AFF1: variants seen among roughly 807,000 people sequenced by gnomAD.
The protein encoded by AFF1 is ALF transcription elongation factor 1.
A neutral mutation model predicts 121.7 loss-of-function variants in AFF1; 48 were observed. That is an observed-to-expected ratio of 0.39 (90% CI 0.31 to 0.50). The LOEUF is 0.50. Ranked by LOEUF, AFF1 falls within the 20% of genes least tolerant of loss-of-function variation. The pLI, the probability that AFF1 is intolerant of heterozygous loss-of-function variation, is 0.76. For missense variants in AFF1, 1,523 were observed against 1,511.7 expected (o/e 1.01, Z -0.12); for synonymous variants, 613 against 563.0 (o/e 1.09, Z -1.26).
intron 2 of AFF1, among the ~76,000 whole-genome samples, chr4:87,002,778 G>A (rs969625931): frequency 1.3e-5 from 2 of 152,126 alleles, no homozygotes; most frequent in Non-Finnish European, 2.9e-5. Flanking sequence ...AGCAGGAGCC[G>A]GGTCCAGGGA....
intron 4 of AFF1, among the ~76,000 whole-genome samples, chr4:87,065,498 A>C (rs2149663861): frequency 8.5e-6 from 1 of 118,232 alleles, no homozygotes; most frequent in Middle Eastern, 3.7e-3. Flanking sequence ...ATTGCTTAGG[A>C]TGAGGTGAGG....
chr4:87,011,183 T>A (rs1726718848), intron 2 of AFF1, among the ~76,000 whole-genome samples: 1 of 151,154 alleles, frequency 6.6e-6, no homozygotes, highest in South Asian at 2.1e-4. Flanking sequence ...AGTAGGGGAG[T>A]TGAACTTGCT....
intron 2 of AFF1, among the ~76,000 whole-genome samples, chr4:86,972,409 G>A (rs931404464): frequency 1.1e-4 from 16 of 152,106 alleles, no homozygotes; most frequent in African/African-American, 3.6e-4. Context: ...TTGAAATGTG[G>A]CTGGTTAGAG....
chr4:87,014,649 A>C (rs1289146627), intron 2 of AFF1, among the ~76,000 whole-genome samples: 1 of 152,192 alleles, frequency 6.6e-6, no homozygotes, highest in Non-Finnish European at 1.5e-5. Context: ...CACAACTTAA[A>C]CTATGTTATA....
chr4:87,007,016 C>G, intron 2 of AFF1: 3 of 1,125,448 alleles, frequency 2.7e-6, no homozygotes, highest in Non-Finnish European at 3.3e-6. Flanking sequence ...CTAACTGTGG[C>G]CCGCGTTGTG....
At chr4:87,051,770 A>G (rs138747041) in intron 4 of AFF1, among the ~76,000 whole-genome samples, 292 of 152,240 alleles carry the variant, frequency 1.9e-3, no homozygotes, top group African/African-American at 6.1e-3. Context: ...GCCCAGCCCA[A>G]CAAACTGATA....
At chr4:87,115,718 C>G (rs1012674940) in intron 12 of AFF1, among the ~76,000 whole-genome samples, 1 of 144,692 alleles carries the variant, frequency 6.9e-6, no homozygotes, top group Non-Finnish European at 1.5e-5. Flanking sequence ...AAACGATCCT[C>G]CTACCTCAGC....
chr4:86,971,823 G>A (rs1269950050), intron 2 of AFF1, among the ~76,000 whole-genome samples: 1 of 152,120 alleles, frequency 6.6e-6, no homozygotes, highest in African/African-American at 2.4e-5. Context: ...GAGACAGCAG[G>A]TATTTCAACT....
chr4:87,126,381 G>C (rs1728251304), intron 14 of AFF1, 45 bp downstream of exon 14: 1 of 1,550,702 alleles, frequency 6.4e-7, no homozygotes, highest in African/African-American at 1.4e-5. Context: ...ATGCATTGCT[G>C]TACCTTTACG....
intron 2 of AFF1, among the ~76,000 whole-genome samples, chr4:86,990,177 TAATAATA>T (rs1724591989): frequency 6.6e-6 from 1 of 151,600 alleles, no homozygotes; most frequent in Non-Finnish European, 1.5e-5. Flanking sequence ...ATAATAATAA[TAATAATA>T]ATAATAGACT....
Position 87,135,957 on chromosome 4 carries a change from AT to A in AFF1, c.*259del. ...TTCCTAACTAAAGGACAGAAGTGCA[AT>A]TTAGCTTAAATGGGTGTATGAATGG... On this transcript the variant is annotated 3_prime_UTR_variant, in exon 21 of 21. Coordinates refer to ENST00000395146, the MANE Select transcript of AFF1 (RefSeq NM_001166693.3). 2.3e-6 allele frequency: 1 copy of A among 436,710 alleles called. No homozygotes were observed. The highest frequency in any genetic ancestry group is 3.8e-6 in the Non-Finnish European group (1 of 259,942). The allele number at this position is 436,710 out of a possible 1,614,324, so 27.1% of individuals were successfully genotyped here.
intron 2 of AFF1, among the ~76,000 whole-genome samples, chr4:86,956,430 C>T (rs1721743298): frequency 6.6e-6 from 1 of 152,196 alleles, no homozygotes; most frequent in African/African-American, 2.4e-5. Context: ...GTGGCATAGT[C>T]ATCTTAGAAA....
At chr4:87,029,424 T>C (rs1278210384) in intron 2 of AFF1, among the ~76,000 whole-genome samples, 1 of 152,236 alleles carries the variant, frequency 6.6e-6, no homozygotes, top group Non-Finnish European at 1.5e-5. Context: ...TGTCTTTTTA[T>C]GTACGTAAAG....
chr4:87,102,493 G>T (rs1560626554), intron 8 of AFF1, among the ~76,000 whole-genome samples: 1 of 152,048 alleles, frequency 6.6e-6, no homozygotes, highest in Non-Finnish European at 1.5e-5. Context: ...GGGCATGTCA[G>T]GTGGCTGTTT....
intron 1 of AFF1, among the ~76,000 whole-genome samples, chr4:86,943,331 T>C (rs943082682): frequency 6.6e-6 from 1 of 152,160 alleles, no homozygotes; most frequent in Non-Finnish European, 1.5e-5. Context: ...GGGGTAGATC[T>C]CTCTACTAGG....
intron 4 of AFF1, among the ~76,000 whole-genome samples, chr4:87,062,680 C>T (rs1362086280): frequency 6.6e-6 from 1 of 152,128 alleles, no homozygotes. Flanking sequence ...AAACATTCAT[C>T]AGCATACAAA....
intron 5 of AFF1, among the ~76,000 whole-genome samples, chr4:87,088,539 G>A (rs1286835758): frequency 6.6e-6 from 1 of 152,196 alleles, no homozygotes; most frequent in Non-Finnish European, 1.5e-5. Flanking sequence ...AATACATCAT[G>A]TGTTATACAG....
chr4:87,028,494 AT>A (rs1460850074), intron 2 of AFF1, among the ~76,000 whole-genome samples: 1 of 142,700 alleles, frequency 7.0e-6, no homozygotes, highest in Non-Finnish European at 1.5e-5. Flanking sequence ...AACCTGTTTT[AT>A]TTTTCTTCCT....
chr4:87,133,366 A>G (rs1289479736), intron 19 of AFF1, among the ~76,000 whole-genome samples: 1 of 152,160 alleles, frequency 6.6e-6, no homozygotes, highest in Non-Finnish European at 1.5e-5. Context: ...AAGCTTTGCT[A>G]TTTTAAGAAT....
Sources: gnomAD v4.1 joint callset for allele counts (sites outside exome capture counted in the v4.1 genomes callset) on GRCh38, gnomAD v4.1.1 for gene constraint, MANE v1.5 for transcripts, NCBI Gene and HGNC (gene_info 2026-07-23, HGNC 2026-07-21) for gene names.